Variants in NEDD1 observed in about 807,000 individuals in gnomAD.
NEDD1 encodes protein NEDD1.
NEDD1 carries 33 observed loss-of-function variants against 74.0 expected under a neutral mutation model. That is an observed-to-expected ratio of 0.45 (90% confidence interval 0.34 to 0.60). The LOEUF is 0.60. Among genes scored for constraint, NEDD1 ranks in the 20% least tolerant of loss-of-function variants. The probability of loss-of-function intolerance (pLI) is 0.01; values close to 1 mark genes in which losing one functional copy is unlikely to be tolerated. For synonymous variants in NEDD1, 250 were observed against 264.4 expected, an observed-to-expected ratio of 0.95 and a Z score of 0.53; for missense variants, 746 against 776.5, an observed-to-expected ratio of 0.96 and a Z score of 0.47.
intron 6 of NEDD1, among the ~76,000 whole-genome samples, chr12:96,923,787 T>TG (rs773529012): frequency 2.5e-3 from 297 of 119,158 alleles, no homozygotes; most frequent in Middle Eastern, 0.025. Flanking sequence ...TTAATACCTG[T>TG]TTGTGTGTGT....
At position 96,912,642 on chromosome 12, in the gene NEDD1, CT is replaced by C; in HGVS notation, c.137-77del. ...ATTGCTTGTCTTCTTAGTGTGTTAG[CT>C]TTTATAATCGCAATTCTTATAATAG... On this transcript the variant is annotated intron_variant, in intron 3 of 15. Transcript: ENST00000266742. 3 of 721,846 alleles carry C rather than the reference CT, an allele frequency of 4.2e-6. No homozygotes were observed. In the South Asian group the frequency reaches 5.1e-5, roughly 12 times the overall value. 44.7% of individuals were successfully genotyped at this position (721,846 alleles called of 1,614,324 possible).
At chr12:96,923,483 G>A (rs1490932773) in intron 6 of NEDD1, among the ~76,000 whole-genome samples, 1 of 152,078 alleles carries the variant, frequency 6.6e-6, no homozygotes, top group Non-Finnish European at 1.5e-5. Flanking sequence ...AGATCCAGTT[G>A]CTCCACATTT....
rs1216699113 is a variant in NEDD1 at position 96,909,745 on chromosome 12, T to C, written c.-8-7T>C. Reference sequence around the variant, plus strand: ...TTTTAAAATACATTGTTTTAAACTATTTGTAGGCGCAGTCATGCAGGAAAA... The same window carrying C: ...TTTTAAAATACATTGTTTTAAACTACTTGTAGGCGCAGTCATGCAGGAAAA... On this transcript the variant is annotated splice_region_variant and splice_polypyrimidine_tract_variant and intron_variant, in intron 2 of 15. Transcript: ENST00000266742. 1.9e-6 allele frequency: 3 copies of C among 1,604,774 alleles called. No homozygotes were observed. The highest frequency in any genetic ancestry group is 2.6e-6 in the Non-Finnish European group (3 of 1,175,000).
At position 96,907,868 on chromosome 12, in the gene NEDD1, G is replaced by C. The variant is rs1004895166; in HGVS notation, c.-9+12G>C. 1.6e-5 allele frequency: 22 copies of C among 1,347,642 alleles called. No homozygotes were observed. Among genetic ancestry groups the C allele is most frequent in the Non-Finnish European group, 2.0e-5 (21 of 1,047,450 alleles). The allele number at this position is 1,347,642 out of a possible 1,614,324, so 83.5% of individuals were successfully genotyped here. A position where few individuals can be genotyped will look rare whatever the true frequency, so the allele number is the denominator to read the frequency against. ...CTTAGAAGACCGAGGTAGGTGGGCAGATGGTCCTCTTCCCCGCCCCGCTTT... is the reference window on the plus strand; with the variant it reads ...CTTAGAAGACCGAGGTAGGTGGGCACATGGTCCTCTTCCCCGCCCCGCTTT... On this transcript the variant is annotated intron_variant, in intron 2 of 15. Coordinates refer to ENST00000266742, the MANE Select transcript of NEDD1 (RefSeq NM_152905.4).
intron 5 of NEDD1, 26 bp downstream of exon 5, chr12:96,917,763 T>C (rs4762339): frequency 0.48 from 730,290 of 1,534,086 alleles, 175,513 homozygotes; most frequent in East Asian, 0.56. Context: ...AAAATCTTCA[T>C]GAAAAAATGG....
chr12:96,943,491 T>C (rs1877871330), intron 11 of NEDD1, 69 bp from the exon 12 acceptor site: 1 of 1,008,630 alleles, frequency 9.9e-7, no homozygotes, highest in African/African-American at 1.6e-5. Context: ...GCCTATCATG[T>C]TAAATGCTTT....
At chr12:96,941,400 A>G (rs934926657) in intron 10 of NEDD1, among the ~76,000 whole-genome samples, 1 of 152,130 alleles carries the variant, frequency 6.6e-6, no homozygotes, top group Non-Finnish European at 1.5e-5. Flanking sequence ...GTGGTGGTAC[A>G]GAATTATTGA....
intron 14 of NEDD1, among the ~76,000 whole-genome samples, chr12:96,947,172 C>T (rs1429502575): frequency 6.6e-6 from 1 of 151,872 alleles, no homozygotes; most frequent in Non-Finnish European, 1.5e-5. Context: ...ATCCTTTTTC[C>T]CTAAGTTCTG....
intron 6 of NEDD1, among the ~76,000 whole-genome samples, chr12:96,929,542 A>G (rs1218443129): frequency 1.4e-5 from 2 of 142,022 alleles, no homozygotes; most frequent in East Asian, 2.0e-4. Flanking sequence ...AGAGCTCCCT[A>G]TTGTTTTCAT....
chr12:96,914,748 A>G (rs1456150732), intron 4 of NEDD1, among the ~76,000 whole-genome samples: 1 of 152,170 alleles, frequency 6.6e-6, no homozygotes, highest in Non-Finnish European at 1.5e-5. Flanking sequence ...TCACCTCTTT[A>G]AAGTAGAATG....
At chr12:96,922,313 GAC>G (rs1875188517) in intron 6 of NEDD1, among the ~76,000 whole-genome samples, 1 of 151,932 alleles carries the variant, frequency 6.6e-6, no homozygotes, top group South Asian at 2.1e-4. Flanking sequence ...GATAAAGAGA[GAC>G]ATAAAGTCTA....
In NEDD1 at chr12:96,907,270, C is replaced by T. The variant is rs551874467; in HGVS notation, c.-292C>T. 7.7e-5 allele frequency: 19 copies of T among 245,936 alleles called. No individual in the cohort carries two copies. The highest frequency in any genetic ancestry group is 4.5e-4 in the Admixed American group (8 of 17,662). The allele number at this position is 245,936 out of a possible 1,614,324, so 15.2% of individuals were successfully genotyped here. On this transcript the variant is annotated 5_prime_UTR_variant, in exon 1 of 16. Coordinates refer to ENST00000266742, the MANE Select transcript of NEDD1 (RefSeq NM_152905.4). ...AGCCGGAAGCCCAGCGCGGAGCCGGCCGCGGCCCCCTGTTGTGTTGCTGCG... is the reference window on the plus strand; with the variant it reads ...AGCCGGAAGCCCAGCGCGGAGCCGGTCGCGGCCCCCTGTTGTGTTGCTGCG...
intron 6 of NEDD1, among the ~76,000 whole-genome samples, chr12:96,933,781 A>G (rs1313389822): frequency 6.6e-6 from 1 of 152,194 alleles, no homozygotes; most frequent in African/African-American, 2.4e-5. Flanking sequence ...ATTCATAGGG[A>G]AAAATTAGCT....
intron 11 of NEDD1, among the ~76,000 whole-genome samples, chr12:96,943,196 C>A (rs1021360887): frequency 1.3e-5 from 2 of 152,004 alleles, no homozygotes; most frequent in African/African-American, 4.8e-5. Flanking sequence ...AAATTGCCTT[C>A]CAAGATACAT....
rs944388486 is a variant in NEDD1 at position 96,907,757 on chromosome 12, C to T, written c.-108C>T. ...GCCGCTGTCCCTAAACCCAGGCCGACGTTACCGCCTTGTGTCCTGACTGCT... is the reference window on the plus strand; with the variant it reads ...GCCGCTGTCCCTAAACCCAGGCCGATGTTACCGCCTTGTGTCCTGACTGCT... On this transcript the variant is annotated 5_prime_UTR_variant, in exon 2 of 16. In the 5' UTR this introduces an upstream ATG that the reference lacks. Transcript: ENST00000266742. 3 of 1,536,028 alleles carry T rather than the reference C, an allele frequency of 2.0e-6. No homozygotes were observed. Among genetic ancestry groups the T allele is most frequent in the Non-Finnish European group, 2.6e-6 (3 of 1,139,108 alleles).
At chr12:96,921,021 T>C (rs556699532) in intron 6 of NEDD1, among the ~76,000 whole-genome samples, 18 of 152,300 alleles carry the variant, frequency 1.2e-4, no homozygotes, top group African/African-American at 3.8e-4. Flanking sequence ...TCAGAACAGC[T>C]GAGAGAAGAC....
chr12:96,916,405 CT>C (rs1592863873), intron 4 of NEDD1, among the ~76,000 whole-genome samples: 1 of 97,718 alleles, frequency 1.0e-5, no homozygotes, highest in East Asian at 3.7e-4. Context: ...TCCCTCCCCC[CT>C]CCCCCCTCCC....
chr12:96,930,785 TAGAC>T (rs1452556195), intron 6 of NEDD1, among the ~76,000 whole-genome samples: 5 of 152,220 alleles, frequency 3.3e-5, no homozygotes, highest in East Asian at 3.9e-4. Flanking sequence ...TTTTTAAAGA[TAGAC>T]AGTCTCAGGC....
intron 8 of NEDD1, 120 bp downstream of exon 8, chr12:96,936,932 CATGTA>C (rs999807763): frequency 1.9e-5 from 12 of 633,002 alleles, no homozygotes; most frequent in African/African-American, 3.7e-5. Context: ...AATGATTTTA[CATGTA>C]ATGTATAATA....
Sources: allele counts gnomAD v4.1 joint callset (sites outside exome capture counted in the v4.1 genomes callset), GRCh38; gene constraint gnomAD v4.1.1; transcripts MANE v1.5; gene names NCBI Gene and HGNC (gene_info 2026-07-23, HGNC 2026-07-21).